CCSER1: variants seen among roughly 807,000 people sequenced by gnomAD.
CCSER1 encodes the protein coiled-coil serine rich protein 1.
CCSER1 carries 41 observed loss-of-function variants against 82.0 expected under a neutral mutation model. The ratio of observed to expected loss-of-function variants is 0.50; its 90% CI spans 0.39 to 0.65. CCSER1 has a LOEUF of 0.65. Ranked by LOEUF, CCSER1 falls within the 30% of genes least tolerant of loss-of-function variation. The pLI is 0.00. For missense variants in CCSER1, 1,119 were observed against 1,064.2 expected, an observed-to-expected ratio of 1.05 and a Z score of -0.72; for synonymous variants, 414 against 383.9, an observed-to-expected ratio of 1.08 and a Z score of -0.92.
chr4:90,990,958 C>T (rs982662225), intron 9 of CCSER1, among the ~76,000 whole-genome samples: 30 of 151,822 alleles, frequency 2.0e-4, no homozygotes, highest in African/African-American at 7.3e-4. Flanking sequence ...GTTTCTTAAA[C>T]TTTAGTGTGA....
intron 2 of CCSER1, among the ~76,000 whole-genome samples, chr4:90,310,354 C>T (rs1337908526): frequency 1.3e-5 from 2 of 151,964 alleles, no homozygotes; most frequent in Admixed American, 1.3e-4. Context: ...ATATATACCA[C>T]CTGCTGGGCT....
chr4:91,566,670 G>A (rs1762896920), intron 10 of CCSER1, among the ~76,000 whole-genome samples: 1 of 151,992 alleles, frequency 6.6e-6, no homozygotes, highest in Non-Finnish European at 1.5e-5. Flanking sequence ...TCTAGTTTGT[G>A]TGTGTAGAGG....
At chr4:90,515,365 G>A (rs112596976) in intron 5 of CCSER1, among the ~76,000 whole-genome samples, 1,896 of 152,152 alleles carry the variant, frequency 0.012, 13 homozygotes, top group South Asian at 0.022. Flanking sequence ...AGTTTTACAT[G>A]CCCCACATAA....
Position 91,585,908 on chromosome 4 carries a change from TAAG to T in CCSER1, c.2218-12660_2218-12658del, listed in dbSNP as rs1456193009. The stretch of plus-strand genomic sequence containing the variant: ...TCAGTAGGAAGGTATTGAAAGAAAA[TAAG>T]AAGGTCAATGGCATGATTAAATTTG... On this transcript the variant is annotated intron_variant, in intron 10 of 10. Transcript: ENST00000509176. Among the ~76,000 whole-genome samples, 6 of 151,718 alleles carry T rather than the reference TAAG, an allele frequency of 4.0e-5. 1 individual carries two copies. The highest frequency in any genetic ancestry group is 2.0e-4 in the Admixed American group (3 of 15,150).
intron 1 of CCSER1, among the ~76,000 whole-genome samples, chr4:90,187,391 T>A (rs1734805769): frequency 1.4e-5 from 2 of 144,652 alleles, no homozygotes; most frequent in Admixed American, 7.1e-5. Context: ...ACCGTTGAAA[T>A]CATACCTTGT....
intron 9 of CCSER1, among the ~76,000 whole-genome samples, chr4:91,009,568 C>T (rs1474656616): frequency 6.6e-6 from 1 of 152,134 alleles, no homozygotes; most frequent in Non-Finnish European, 1.5e-5. Flanking sequence ...GTTTGTTGCT[C>T]TTTCCCCCCT....
intron 10 of CCSER1, among the ~76,000 whole-genome samples, chr4:91,488,854 C>A (rs376769760): frequency 6.6e-6 from 1 of 152,052 alleles, no homozygotes; most frequent in African/African-American, 2.4e-5. Flanking sequence ...AAAGCCCCTG[C>A]GGTCATAGAC....
intron 1 of CCSER1, among the ~76,000 whole-genome samples, chr4:90,130,689 C>CCTG (rs1328767993): frequency 6.6e-6 from 1 of 151,234 alleles, no homozygotes; most frequent in Non-Finnish European, 1.5e-5. Flanking sequence ...AGTGGCGCTA[C>CCTG]CTCGGCTCAC....
intron 10 of CCSER1, among the ~76,000 whole-genome samples, chr4:91,498,242 C>T (rs1759031407): frequency 6.6e-6 from 1 of 151,962 alleles, no homozygotes; most frequent in Non-Finnish European, 1.5e-5. Flanking sequence ...AGATATTTCA[C>T]TTCTCCTTTC....
rs192762011 is a variant in CCSER1 at position 90,578,283 on chromosome 4, G to A, written c.1725-49742G>A. On this transcript the variant is annotated intron_variant, in intron 5 of 10. Coordinates refer to ENST00000509176, the MANE Select transcript of CCSER1 (RefSeq NM_001145065.2). The stretch of plus-strand genomic sequence containing the variant: ...AGAATTTTAACATGGGTTTAAACTG[G>A]GCCAAAATCAAGAAGTCAGCAAGAC... Among the ~76,000 whole-genome samples the A allele has an allele frequency of 7.6e-4, 115 of 152,004 alleles. 1 individual carries two copies. The East Asian group carries it at 0.014, about 19-fold the overall frequency.
chr4:90,830,178 C>A (rs1196891849), intron 8 of CCSER1, among the ~76,000 whole-genome samples: 1 of 152,126 alleles, frequency 6.6e-6, no homozygotes, highest in Non-Finnish European at 1.5e-5. Flanking sequence ...TTAACTACAG[C>A]ATAAAATGTT....
intron 10 of CCSER1, among the ~76,000 whole-genome samples, chr4:91,384,329 C>T (rs575454452): frequency 6.6e-6 from 1 of 152,112 alleles, no homozygotes; most frequent in African/African-American, 2.4e-5. Flanking sequence ...GTTAAAGTAA[C>T]TGGGAAAACA....
chr4:91,523,453 C>A (rs911465635), intron 10 of CCSER1, among the ~76,000 whole-genome samples: 1 of 152,076 alleles, frequency 6.6e-6, no homozygotes, highest in Non-Finnish European at 1.5e-5. Flanking sequence ...GGAATGGTAC[C>A]AGCTCCTCTT....
At chr4:90,256,111 A>G (rs1046758164) in intron 1 of CCSER1, among the ~76,000 whole-genome samples, 2 of 152,084 alleles carry the variant, frequency 1.3e-5, no homozygotes, top group African/African-American at 4.8e-5. Context: ...TTTTTCACAT[A>G]TTTGTAAAGA....
intron 1 of CCSER1, among the ~76,000 whole-genome samples, chr4:90,258,678 T>A (rs952667570): frequency 1.3e-5 from 2 of 152,200 alleles, no homozygotes; most frequent in African/African-American, 2.4e-5. Context: ...CAATACACTA[T>A]ACAATTAATA....
chr4:90,493,245 C>T (rs372132914), intron 5 of CCSER1, among the ~76,000 whole-genome samples: 35 of 152,136 alleles, frequency 2.3e-4, no homozygotes, highest in East Asian at 1.5e-3. Flanking sequence ...ACAAAGCCTC[C>T]AAGAAATATG....
intron 7 of CCSER1, among the ~76,000 whole-genome samples, chr4:90,813,633 T>G (rs942049153): frequency 6.6e-6 from 1 of 152,204 alleles, no homozygotes; most frequent in African/African-American, 2.4e-5. Flanking sequence ...CCACTTTTGC[T>G]TCTTCCTCAT....
chr4:91,391,376 G>A (rs1288553094), intron 10 of CCSER1, among the ~76,000 whole-genome samples: 3 of 152,076 alleles, frequency 2.0e-5, no homozygotes, highest in Admixed American at 1.3e-4. Context: ...TCATGGCTCA[G>A]TGCAGCCTCT....
chr4:90,596,610 G>C (rs1321955630), intron 5 of CCSER1, among the ~76,000 whole-genome samples: 1 of 146,126 alleles, frequency 6.8e-6, no homozygotes, highest in African/African-American at 2.8e-5. Context: ...CAAAGTGACA[G>C]TCAGGTACAA....
Sources: allele counts gnomAD v4.1 joint callset (sites outside exome capture counted in the v4.1 genomes callset), GRCh38; gene constraint gnomAD v4.1.1; transcripts MANE v1.5; gene names NCBI Gene and HGNC (gene_info 2026-07-23, HGNC 2026-07-21).